The following SYT16 variants were observed in gnomAD, a reference collection of about 807,000 sequenced individuals.
SYT16 encodes synaptotagmin-16.
SYT16 carries 42 observed loss-of-function variants against 61.4 expected under a neutral mutation model. The ratio of observed to expected loss-of-function variants is 0.68; its 90% confidence interval spans 0.53 to 0.89. The LOEUF (loss-of-function observed/expected upper bound fraction) is 0.89, where lower values mean the gene tolerates loss of function less well. Among genes scored for constraint, SYT16 ranks in the 40% least tolerant of loss-of-function variants. The pLI, the probability that SYT16 is intolerant of heterozygous loss-of-function variation, is 0.00. For missense variants in SYT16, 804 were observed against 807.3 expected (o/e 1.00, Z 0.05); for synonymous variants, 314 against 302.3 (o/e 1.04, Z -0.40).
Position 62,017,755 on chromosome 14 carries a change from C to T in SYT16, c.523+21213C>T, listed in dbSNP as rs531582458. ...TTTTTTTTTGAAATGAGGTCTTATG[C>T]TGTCACCCATGCTGGAGTGCAGTGG... On this transcript the variant is annotated intron_variant, in intron 3 of 7. Coordinates refer to ENST00000683842, the MANE Select transcript of SYT16 (RefSeq NM_001367656.1). 2.7e-5 allele frequency among the ~76,000 whole-genome samples: 4 copies of T among 150,656 alleles called. No individual in the cohort carries two copies. In the East Asian group the frequency reaches 7.8e-4, roughly 29 times the overall value.
Position 62,038,687 on chromosome 14 carries a change from C to T in SYT16, c.524-30916C>T, listed in dbSNP as rs984482867. Reference sequence around the variant, plus strand: ...CCCTGGAACCTGAGGAATGGAACACCTGGCATTTGTACTTTGTGTTGACCC... The same window carrying T: ...CCCTGGAACCTGAGGAATGGAACACTTGGCATTTGTACTTTGTGTTGACCC... On this transcript the variant is annotated intron_variant, in intron 3 of 7. Coordinates refer to ENST00000683842, the MANE Select transcript of SYT16 (RefSeq NM_001367656.1). Among the ~76,000 whole-genome samples the T allele has an allele frequency of 1.5e-3, 229 of 152,256 alleles. 2 individuals are homozygous for T. Among genetic ancestry groups the T allele is most frequent in the Non-Finnish European group, 8.5e-4 (58 of 68,020 alleles).
intron 2 of SYT16, among the ~76,000 whole-genome samples, chr14:61,982,374 G>A (rs1403778387): frequency 6.6e-6 from 1 of 152,114 alleles, no homozygotes; most frequent in Admixed American, 6.6e-5. Flanking sequence ...GACTGGGGAG[G>A]CCTCACAATC....
At chr14:61,894,226 A>G (rs533994062) in intron 1 of SYT16, among the ~76,000 whole-genome samples, 239 of 152,008 alleles carry the variant, frequency 1.6e-3, no homozygotes, top group Middle Eastern at 6.8e-3. Context: ...CTGAGGTTGC[A>G]GTGAGCAGAG....
At chr14:62,038,425 G>C (rs1017887707) in intron 3 of SYT16, among the ~76,000 whole-genome samples, 7 of 151,876 alleles carry the variant, frequency 4.6e-5, no homozygotes, top group African/African-American at 1.7e-4. Flanking sequence ...TCCACGTCCT[G>C]TTTAGAGCTG....
intron 1 of SYT16, among the ~76,000 whole-genome samples, chr14:61,840,046 A>T (rs1012035326): frequency 1.1e-4 from 17 of 152,204 alleles, no homozygotes; most frequent in African/African-American, 4.1e-4. Context: ...ATGTGTGGAT[A>T]TAAGACATTT....
chr14:61,967,712 A>G (rs192879984), intron 1 of SYT16, among the ~76,000 whole-genome samples: 8 of 152,190 alleles, frequency 5.3e-5, no homozygotes, highest in Admixed American at 3.9e-4. Context: ...CCCTAATTAC[A>G]TCTTCAAAGA....
At chr14:62,049,405 A>T (rs1439340431) in intron 3 of SYT16, among the ~76,000 whole-genome samples, 1 of 152,164 alleles carries the variant, frequency 6.6e-6, no homozygotes, top group Admixed American at 6.5e-5. Flanking sequence ...AATACAGCAC[A>T]TTGATGGGTG....
At chr14:61,844,090 T>C (rs2046374153) in intron 1 of SYT16, among the ~76,000 whole-genome samples, 1 of 152,184 alleles carries the variant, frequency 6.6e-6, no homozygotes, top group Non-Finnish European at 1.5e-5. Flanking sequence ...ATTAGTGCTT[T>C]GTAGTTTTCA....
intron 3 of SYT16, among the ~76,000 whole-genome samples, chr14:62,055,079 A>T (rs531683253): frequency 6.6e-6 from 1 of 152,310 alleles, no homozygotes; most frequent in Admixed American, 6.5e-5. Flanking sequence ...GTGATAGAGA[A>T]ATATTGGGGG....
chr14:61,872,323 G>A (rs1163282640), intron 1 of SYT16, among the ~76,000 whole-genome samples: 1 of 152,082 alleles, frequency 6.6e-6, no homozygotes, highest in Non-Finnish European at 1.5e-5. Flanking sequence ...TAAAGATCAA[G>A]TCAGGGTAAT....
chr14:61,969,853 G>A (rs950841505), intron 1 of SYT16, among the ~76,000 whole-genome samples: 3 of 152,138 alleles, frequency 2.0e-5, no homozygotes, highest in Non-Finnish European at 4.4e-5. Flanking sequence ...ACAGGAGCAA[G>A]AAGAGTTGTA....
Position 61,971,080 on chromosome 14 carries a change from C to T in SYT16, c.-145+769C>T, listed in dbSNP as rs144334475. 8.0e-4 allele frequency among the ~76,000 whole-genome samples: 122 copies of T among 152,096 alleles called. 1 individual carries two copies. In the South Asian group the frequency reaches 9.1e-3, roughly 11 times the overall value. On this transcript the variant is annotated intron_variant, in intron 2 of 7. Transcript: ENST00000683842. The stretch of plus-strand genomic sequence containing the variant: ...AGGAGAGTACCCTCCAGGTATCCTA[C>T]GTTCTTGATGTGTTCTAAGTATGCC...
At chr14:61,875,555 A>T (rs901480728) in intron 1 of SYT16, among the ~76,000 whole-genome samples, 1 of 152,248 alleles carries the variant, frequency 6.6e-6, no homozygotes, top group Non-Finnish European at 1.5e-5. Flanking sequence ...TGGTTGATTT[A>T]AGCAGCAAAT....
intron 1 of SYT16, among the ~76,000 whole-genome samples, chr14:61,884,536 A>T (rs116516669): frequency 1.4e-3 from 206 of 152,322 alleles, no homozygotes; most frequent in African/African-American, 4.6e-3. Flanking sequence ...TTCTCCACTG[A>T]TTGGAAGTTG....
rs1423143952 is a variant in SYT16, at chr14:62,069,619, T to C, written c.540T>C (p.Asp180=). The part of the protein sequence containing the change: ...NGKKQVNSFG[D]DEELSTSSDS... ...TACTCCCAGTCAACAGCTTTGGGGATGACGAAGAGCTGTCCACATCTTCTG... is the reference window on the plus strand; with the variant it reads ...TACTCCCAGTCAACAGCTTTGGGGACGACGAAGAGCTGTCCACATCTTCTG... Residue 180 remains aspartate (D), a synonymous_variant, in exon 4 of 8, where the codon GAT becomes GAC. Coordinates refer to ENST00000683842, the MANE Select transcript of SYT16 (RefSeq NM_001367656.1). 6.2e-7 allele frequency: 1 copy of C among 1,613,896 alleles called. No homozygotes were observed. Among genetic ancestry groups the C allele is most frequent in the South Asian group, 1.1e-5 (1 of 91,068 alleles).
chr14:61,919,657 T>C (rs547708670), intron 1 of SYT16, among the ~76,000 whole-genome samples: 7 of 152,326 alleles, frequency 4.6e-5, no homozygotes, highest in Non-Finnish European at 7.4e-5. Flanking sequence ...TGTGATTCCA[T>C]TGGACCCATC....
chr14:61,890,764 G>A (rs1048478026), intron 1 of SYT16, among the ~76,000 whole-genome samples: 1 of 152,154 alleles, frequency 6.6e-6, no homozygotes, highest in African/African-American at 2.4e-5. Flanking sequence ...GGATTGTATT[G>A]AACAGTTTCA....
At chr14:62,078,320 A>G (rs2056586776) in intron 5 of SYT16, among the ~76,000 whole-genome samples, 1 of 152,172 alleles carries the variant, frequency 6.6e-6, no homozygotes, top group Non-Finnish European at 1.5e-5. Flanking sequence ...CCTGGGACTC[A>G]AACTGCCAGG....
At chr14:61,907,249 C>T (rs2048758900) in intron 1 of SYT16, among the ~76,000 whole-genome samples, 1 of 152,158 alleles carries the variant, frequency 6.6e-6, no homozygotes, top group African/African-American at 2.4e-5. Context: ...TGAGTATTTT[C>T]AGTAAAACAT....
Sources: allele counts gnomAD v4.1 joint callset (sites outside exome capture counted in the v4.1 genomes callset), GRCh38; gene constraint gnomAD v4.1.1; transcripts MANE v1.5; gene names NCBI Gene and HGNC (gene_info 2026-07-23, HGNC 2026-07-21).